SPATA6: variants seen among roughly 807,000 people sequenced by gnomAD.
The protein encoded by SPATA6 is spermatogenesis associated 6, also known as spermatogenesis-associated protein 6.
Under a neutral mutation model 65.3 loss-of-function variants are expected in SPATA6, and 56 were observed. The ratio of observed to expected loss-of-function variants is 0.86; its 90% confidence interval spans 0.69 to 1.07. The LOEUF is 1.07. Ranked by LOEUF, SPATA6 falls within the 50% of genes least tolerant of loss-of-function variation. The pLI, the probability that SPATA6 is intolerant of heterozygous loss-of-function variation, is 0.00. For missense variants in SPATA6, 590 were observed against 594.8 expected (o/e 0.99, Z 0.08); for synonymous variants, 199 against 213.2 (o/e 0.93, Z 0.58).
At chr1:48,300,842 C>G (rs1228022234) in intron 12 of SPATA6, among the ~76,000 whole-genome samples, 1 of 151,866 alleles carries the variant, frequency 6.6e-6, no homozygotes, top group East Asian at 1.9e-4. Context: ...GCTGAAAAAG[C>G]ATTCAATACA....
Position 48,297,025 on chromosome 1 carries a change from A to G in SPATA6, c.*1688T>C, listed in dbSNP as rs1644824245. 1 of 151,860 alleles carries G rather than the reference A, an allele frequency of 6.6e-6. No individual in the cohort carries two copies. Among genetic ancestry groups the G allele is most frequent in the East Asian group, 1.9e-4 (1 of 5,198 alleles). 9.4% of individuals were successfully genotyped at this position (151,860 alleles called of 1,614,324 possible). A position where few individuals can be genotyped will look rare whatever the true frequency, so the allele number is the denominator to read the frequency against. On this transcript the variant is annotated 3_prime_UTR_variant, in exon 13 of 13. Transcript: ENST00000371847. ...TGTTCACAATGAGCACAGTGACCAT[A>G]TATCCTAATTTGCTGTAGACAGCCC... is the stretch of plus-strand genomic sequence containing the variant.
the SPATA6 span, among the ~76,000 whole-genome samples, chr1:48,290,066 G>T: frequency 1.3e-5 from 2 of 152,192 alleles, no homozygotes; most frequent in Non-Finnish European, 2.9e-5. Context: ...CACCAGAGTT[G>T]AAATGAAGGA....
chr1:48,395,164 A>C, intron 8 of SPATA6, 103 bp downstream of exon 8: 2 of 817,772 alleles, frequency 2.4e-6, no homozygotes, highest in Non-Finnish European at 3.6e-6. Context: ...AATATTATCC[A>C]ATAATGTAAC....
chr1:48,395,356 T>C lies in SPATA6; in HGVS notation c.781-2A>G, dbSNP rs1461856980. The C allele has an allele frequency of 6.5e-7, 1 of 1,534,938 alleles. No homozygotes were observed. Among genetic ancestry groups the C allele is most frequent in the Admixed American group, 2.1e-5 (1 of 46,824 alleles). On this transcript the variant is annotated splice_acceptor_variant, in intron 7 of 12. Coordinates refer to ENST00000371847, the MANE Select transcript of SPATA6 (RefSeq NM_019073.4). LOFTEE classifies it high-confidence loss of function. ...AGCCCTGGGACTTGGGGGATCAACC[T>C]AGAGGAAGCAGGATTTTTATGTAAA...
At chr1:48,370,446 T>TG in intron 9 of SPATA6, among the ~76,000 whole-genome samples, 1 of 152,360 alleles carries the variant, frequency 6.6e-6, no homozygotes, top group South Asian at 2.1e-4. Flanking sequence ...CCTTAGTGAA[T>TG]CTTACATCAA....
chr1:48,310,341 G>C (rs1645171910), intron 11 of SPATA6, among the ~76,000 whole-genome samples: 1 of 152,108 alleles, frequency 6.6e-6, no homozygotes, highest in Admixed American at 6.6e-5. Context: ...ACCTCTAACA[G>C]TGCCTGCCAA....
chr1:48,384,826 T>A (rs1210581435), intron 9 of SPATA6, among the ~76,000 whole-genome samples: 1 of 152,200 alleles, frequency 6.6e-6, no homozygotes, highest in Middle Eastern at 3.2e-3. Flanking sequence ...TTCAAGGCTG[T>A]CATACATGTA....
intron 9 of SPATA6, among the ~76,000 whole-genome samples, chr1:48,381,667 T>C (rs1648616671): frequency 7.4e-6 from 1 of 135,442 alleles, no homozygotes; most frequent in Non-Finnish European, 1.5e-5. Context: ...TTTTTTTATA[T>C]GAATAGTTAA....
At chr1:48,363,273 G>A (rs529665145) in intron 9 of SPATA6, among the ~76,000 whole-genome samples, 11 of 152,208 alleles carry the variant, frequency 7.2e-5, no homozygotes, top group Middle Eastern at 3.4e-3. Context: ...GCTCTTGTGA[G>A]TTTCCGTTAG....
At position 48,296,079 on chromosome 1, in the gene SPATA6, A is replaced by C. The variant is rs1486750496; in HGVS notation, c.*2634T>G. On this transcript the variant is annotated 3_prime_UTR_variant, in exon 13 of 13. Transcript: ENST00000371847. ...AGGTTTTTTATGATTTAAAGAAAAAAATTAAAAAGTAAAAAGAAAAGCCTA... is the reference window on the plus strand; with the variant it reads ...AGGTTTTTTATGATTTAAAGAAAAACATTAAAAAGTAAAAAGAAAAGCCTA... 6.6e-6 allele frequency: 1 copy of C among 152,092 alleles called. No individual in the cohort carries two copies. The highest frequency in any genetic ancestry group is 1.5e-5 in the Non-Finnish European group (1 of 68,000). The allele number at this position is 152,092 out of a possible 1,614,324, so 9.4% of individuals were successfully genotyped here.
At chr1:48,262,975 C>T in the SPATA6 span, 1 of 152,034 alleles carries the variant, frequency 6.6e-6, no homozygotes, top group African/African-American at 2.4e-5. Context: ...ATCTATATAG[C>T]TTCATTCTTG....
At chr1:48,432,878 A>C (rs2148064956) in intron 3 of SPATA6, among the ~76,000 whole-genome samples, 1 of 152,340 alleles carries the variant, frequency 6.6e-6, no homozygotes, top group East Asian at 1.9e-4. Context: ...GAAGCAACCC[A>C]AGTGTCTATC....
intron 3 of SPATA6, 133 bp downstream of exon 3, chr1:48,451,416 TAAA>T (rs926392570): frequency 3.3e-6 from 2 of 611,818 alleles, no homozygotes; most frequent in African/African-American, 3.8e-5. Context: ...TAAAAAGTAT[TAAA>T]AAGTCTCAGC....
chr1:48,391,038 T>C (rs1189863880), intron 8 of SPATA6, among the ~76,000 whole-genome samples: 1 of 151,988 alleles, frequency 6.6e-6, no homozygotes, highest in Non-Finnish European at 1.5e-5. Flanking sequence ...GTCTAATATA[T>C]AGCATGATCA....
intron 1 of SPATA6, among the ~76,000 whole-genome samples, chr1:48,469,528 G>A (rs2148211298): frequency 6.6e-6 from 1 of 151,112 alleles, no homozygotes; most frequent in Admixed American, 6.6e-5. Flanking sequence ...GAGAGTTTGT[G>A]TATCTGTTTA....
chr1:48,367,824 T>C (rs1647077683), intron 9 of SPATA6, among the ~76,000 whole-genome samples: 1 of 152,184 alleles, frequency 6.6e-6, no homozygotes, highest in Non-Finnish European at 1.5e-5. Flanking sequence ...TATGTGTGAA[T>C]TTGATCCTGT....
At chr1:48,349,990 T>C (rs749984671) in intron 11 of SPATA6, among the ~76,000 whole-genome samples, 1 of 152,020 alleles carries the variant, frequency 6.6e-6, no homozygotes, top group East Asian at 1.9e-4. Flanking sequence ...AGGAGTAGGA[T>C]TGCCAGGTCA....
intron 11 of SPATA6, among the ~76,000 whole-genome samples, chr1:48,336,683 A>G (rs903479291): frequency 1.4e-4 from 21 of 151,874 alleles, no homozygotes; most frequent in Admixed American, 3.3e-4. Context: ...GTCAAGTACT[A>G]CGCTTGGTAC....
chr1:48,273,649 T>A, the SPATA6 span, among the ~76,000 whole-genome samples: 9 of 152,320 alleles, frequency 5.9e-5, no homozygotes, highest in South Asian at 2.1e-4. Flanking sequence ...GTGTCATCCA[T>A]GTCCCTGTAA....
Sources: gnomAD v4.1 joint callset for allele counts (sites outside exome capture counted in the v4.1 genomes callset) on GRCh38, gnomAD v4.1.1 for gene constraint, MANE v1.5 for transcripts, NCBI Gene and HGNC (gene_info 2026-07-23, HGNC 2026-07-21) for gene names.